EYS: variants seen among roughly 807,000 people sequenced by gnomAD.
EYS encodes EGF-like photoreceptor maintenance factor.
Under a neutral mutation model 282.1 loss-of-function variants are expected in EYS, and 250 were observed. The ratio of observed to expected loss-of-function variants is 0.89; its 90% CI spans 0.80 to 0.98. The LOEUF is 0.98. EYS is among the 50% of genes least tolerant of loss of function. The pLI is 0.00. For synonymous variants in EYS, 1,355 were observed against 1,282.9 expected (o/e 1.06, Z -1.20); for missense variants, 4,016 against 3,709.0 (o/e 1.08, Z -2.15).
intron 2 of EYS, among the ~76,000 whole-genome samples, chr6:65,587,439 G>A (rs1765091312): frequency 6.6e-6 from 1 of 152,038 alleles, no homozygotes; most frequent in Admixed American, 6.6e-5. Flanking sequence ...AAGTTCTCAT[G>A]AGATCTGATG....
rs1214888954 is a variant in EYS at position 63,762,373 on chromosome 6, TTTTACTTCTCAAAAAG to T, written c.8071+72_8071+87del. On this transcript the variant is annotated intron_variant, in intron 41 of 42. Coordinates refer to ENST00000503581, the MANE Select transcript of EYS (RefSeq NM_001142800.2). ...GATTTGAATTTTATTATATGTACTT[TTTTACTTCTCAAAAAG>T]AAAACTGACTTTGAAGTTCCTAATT... 21 of 1,260,554 alleles carry T rather than the reference TTTTACTTCTCAAAAAG, an allele frequency of 1.7e-5. No homozygotes were observed. The East Asian group carries it at 5.1e-4, about 30-fold the overall frequency. The allele number at this position is 1,260,554 out of a possible 1,614,324, so 78.1% of individuals were successfully genotyped here.
chr6:64,981,496 T>A (rs1770664435), intron 14 of EYS, among the ~76,000 whole-genome samples: 1 of 151,430 alleles, frequency 6.6e-6, no homozygotes. Context: ...AACATGCCCT[T>A]CTTACCTTCT....
intron 5 of EYS, among the ~76,000 whole-genome samples, chr6:65,426,680 C>T (rs1055231907): frequency 1.3e-5 from 2 of 152,004 alleles, no homozygotes; most frequent in Admixed American, 6.6e-5. Context: ...ATGAATAAAT[C>T]GTAGGGTTGT....
chr6:64,050,403 A>G (rs1458250925), intron 33 of EYS, among the ~76,000 whole-genome samples: 1 of 152,240 alleles, frequency 6.6e-6, no homozygotes, highest in African/African-American at 2.4e-5. Context: ...TGTCAGAAAC[A>G]CATTTTTCCC....
chr6:64,488,455 G>C (rs371031034), intron 26 of EYS, among the ~76,000 whole-genome samples: 7 of 151,168 alleles, frequency 4.6e-5, no homozygotes, highest in African/African-American at 1.4e-4. Flanking sequence ...GGGACACCCA[G>C]TTTACTGTGT....
chr6:64,986,066 T>A (rs1770849180), intron 14 of EYS, among the ~76,000 whole-genome samples: 1 of 151,504 alleles, frequency 6.6e-6, no homozygotes, highest in Non-Finnish European at 1.5e-5. Flanking sequence ...ATAACTTTTT[T>A]AAACTTGTTT....
chr6:65,645,367 C>T (rs1427973510), intron 1 of EYS, among the ~76,000 whole-genome samples: 2 of 152,060 alleles, frequency 1.3e-5, no homozygotes, highest in African/African-American at 2.4e-5. Flanking sequence ...AACTAGAAAT[C>T]AACTCCAAAA....
At chr6:64,107,284 TTTA>T (rs1773053136) in intron 31 of EYS, among the ~76,000 whole-genome samples, 1 of 93,366 alleles carries the variant, frequency 1.1e-5, no homozygotes, top group Non-Finnish European at 2.1e-5. Flanking sequence ...TATATATATA[TTTA>T]TATATATATA....
chr6:64,086,920 G>T (rs561793340), intron 31 of EYS, among the ~76,000 whole-genome samples: 10 of 152,234 alleles, frequency 6.6e-5, no homozygotes, highest in Admixed American at 5.2e-4. Flanking sequence ...GGAGCAGAAG[G>T]TTTGCAGATG....
intron 14 of EYS, among the ~76,000 whole-genome samples, chr6:64,950,833 ATT>A (rs57037768): frequency 0.15 from 14,813 of 99,802 alleles, 1,650 homozygotes; most frequent in Non-Finnish European, 0.21. Flanking sequence ...ATATATATAT[ATT>A]GTTGAATTGT....
At chr6:65,475,699 A>G (rs765514609) in intron 5 of EYS, among the ~76,000 whole-genome samples, 11 of 151,816 alleles carry the variant, frequency 7.2e-5, no homozygotes, top group Non-Finnish European at 1.6e-4. Context: ...TACCTTACCT[A>G]AAGTATATAC....
intron 12 of EYS, among the ~76,000 whole-genome samples, chr6:65,217,324 T>A (rs1766340235): frequency 6.6e-6 from 1 of 152,082 alleles, no homozygotes; most frequent in Non-Finnish European, 1.5e-5. Flanking sequence ...ATGTCTATGG[T>A]CATTTCATTC....
chr6:65,461,732 A>G (rs558167849), intron 5 of EYS, among the ~76,000 whole-genome samples: 194 of 152,226 alleles, frequency 1.3e-3, no homozygotes, highest in Non-Finnish European at 2.4e-3. Context: ...ATTTTATATC[A>G]CAAGCTGCTT....
intron 35 of EYS, among the ~76,000 whole-genome samples, chr6:63,945,730 T>G (rs912214924): frequency 2.0e-5 from 3 of 152,218 alleles, no homozygotes; most frequent in African/African-American, 7.2e-5. Context: ...TATCTCAGTC[T>G]GTTTACATGC....
chr6:64,588,438 A>T (rs1766300023), intron 26 of EYS, among the ~76,000 whole-genome samples: 1 of 152,044 alleles, frequency 6.6e-6, no homozygotes, highest in Non-Finnish European at 1.5e-5. Flanking sequence ...GGTTAATAAG[A>T]AGCACCTGCA....
chr6:64,656,731 C>T (rs1307122370), intron 22 of EYS, among the ~76,000 whole-genome samples: 3 of 152,106 alleles, frequency 2.0e-5, no homozygotes, highest in Non-Finnish European at 4.4e-5. Flanking sequence ...GGGCTGCATC[C>T]TGGATTGGGA....
intron 31 of EYS, among the ~76,000 whole-genome samples, chr6:64,096,784 G>T (rs574122932): frequency 1.3e-5 from 2 of 152,158 alleles, no homozygotes; most frequent in Non-Finnish European, 2.9e-5. Context: ...GCTTTGTTCC[G>T]TTGCTGGTGA....
At chr6:65,571,108 C>T (rs1410360062) in intron 2 of EYS, among the ~76,000 whole-genome samples, 2 of 152,014 alleles carry the variant, frequency 1.3e-5, no homozygotes, top group Non-Finnish European at 2.9e-5. Context: ...TTCTATCCTT[C>T]TAGGCTTTCA....
chr6:64,529,814 C>T (rs914623168), intron 26 of EYS, among the ~76,000 whole-genome samples: 2 of 144,024 alleles, frequency 1.4e-5, no homozygotes, highest in African/African-American at 2.5e-5. Flanking sequence ...GCTGATTGTG[C>T]CAAGCAGAAC....
Sources: allele counts gnomAD v4.1 joint callset (sites outside exome capture counted in the v4.1 genomes callset), GRCh38; gene constraint gnomAD v4.1.1; transcripts MANE v1.5; gene names NCBI Gene and HGNC (gene_info 2026-07-23, HGNC 2026-07-21).